SHANK1: variants seen among roughly 807,000 people sequenced by gnomAD.
The protein encoded by SHANK1 is SH3 and multiple ankyrin repeat domains 1.
SHANK1 carries 35 observed loss-of-function variants against 165.6 expected under a neutral mutation model. That is an observed-to-expected ratio of 0.21 (90% CI 0.16 to 0.28). The LOEUF is 0.28. SHANK1 is among the 10% of genes least tolerant of loss of function. The pLI is 1.00. For missense variants in SHANK1, 2,681 were observed against 3,036.4 expected, an observed-to-expected ratio of 0.88 and a Z score of 2.75; for synonymous variants, 1,428 against 1,384.8, an observed-to-expected ratio of 1.03 and a Z score of -0.69.
chr19:50,667,739 G>C lies in SHANK1; in HGVS notation c.4221C>G (p.Leu1407=). Residue 1407 remains leucine, a synonymous_variant, in exon 23 of 24, where the codon CTC becomes CTG. Coordinates refer to ENST00000293441, the MANE Select transcript of SHANK1 (RefSeq NM_016148.5). The surrounding 1 kb of genome is among the most constrained non-coding windows in gnomAD (Gnocchi z 5.7). ...PHAHHEPVLR[L]WGASPPDPAR... ...CAGGGTCCGGCGGGGAGGCCCCCCA[G>C]AGACGCAGCACTGGCTCGTGGTGGG... 5 of 1,328,576 alleles carry C rather than the reference G, an allele frequency of 3.8e-6. No individual in the cohort carries two copies. The highest frequency in any genetic ancestry group is 4.8e-6 in the Non-Finnish European group (5 of 1,045,386). The allele number at this position is 1,328,576 out of a possible 1,614,324, so 82.3% of individuals were successfully genotyped here. A position where few individuals can be genotyped will look rare whatever the true frequency, so the allele number is the denominator to read the frequency against.
At chr19:50,672,812 C>T (rs1985847153) in intron 21 of SHANK1, among the ~76,000 whole-genome samples, 1 of 152,122 alleles carries the variant, frequency 6.6e-6, no homozygotes, top group Non-Finnish European at 1.5e-5. Context: ...GTTTTCCACA[C>T]AAGAGTCAGA....
rs1377095267 is a variant in SHANK1 at position 50,719,633 on chromosome 19, TCCGCCGCGG to T, written c.-280_-272del. Among the ~76,000 whole-genome samples the T allele has an allele frequency of 6.9e-6, 1 of 144,862 alleles. No individual in the cohort carries two copies. Among genetic ancestry groups the T allele is most frequent in the Non-Finnish European group, 1.5e-5 (1 of 65,730 alleles). On this transcript the variant is annotated 5_prime_UTR_variant, in exon 1 of 24. Coordinates refer to ENST00000293441, the MANE Select transcript of SHANK1 (RefSeq NM_016148.5). Reference sequence around the variant, plus strand: ...TGGCCATCCGCAGAGCGCCCCCCCTTCCGCCGCGGCCGCCGCGCCCCTCCTCGCCCGCCC... The same window carrying T: ...TGGCCATCCGCAGAGCGCCCCCCCTTCCGCCGCGCCCCTCCTCGCCCGCCC...
rs1261060191 is a variant in SHANK1 at position 50,702,235 on chromosome 19, C to T, written c.1747+232G>A. ...AGAAGTTCCAGCCATGCCCTGCACA[C>T]GGCATCAGTGTCCCGCAGTGGGACA... On this transcript the variant is annotated intron_variant, in intron 12 of 23. Coordinates refer to ENST00000293441, the MANE Select transcript of SHANK1 (RefSeq NM_016148.5). The surrounding 1 kb of genome is among the most constrained non-coding windows in gnomAD (Gnocchi z 5.3). Among the ~76,000 whole-genome samples, 1 of 152,154 alleles carries T rather than the reference C, an allele frequency of 6.6e-6. No individual in the cohort carries two copies. Among genetic ancestry groups the T allele is most frequent in the Non-Finnish European group, 1.5e-5 (1 of 68,024 alleles).
chr19:50,680,301 G>A lies in SHANK1; in HGVS notation c.2577+5936C>T, dbSNP rs181839862. Among the ~76,000 whole-genome samples, 318 of 152,066 alleles carry A rather than the reference G, an allele frequency of 2.1e-3. 3 individuals are homozygous for A. Among genetic ancestry groups the A allele is most frequent in the African/African-American group, 7.2e-3 (299 of 41,452 alleles). On this transcript the variant is annotated intron_variant, in intron 21 of 23. Transcript: ENST00000293441. ...AGGAAGAGCCCAGAGAGGAAGGAGG[G>A]AGGGCAGCTCTGACTCAGAGAGGGC...
chr19:50,699,635 G>T (rs925360617), intron 12 of SHANK1, among the ~76,000 whole-genome samples: 2 of 152,156 alleles, frequency 1.3e-5, no homozygotes, highest in African/African-American at 2.4e-5. Flanking sequence ...GGAGGGGTTG[G>T]TATATCGGAG....
chr19:50,697,734 G>A lies in SHANK1; in HGVS notation c.1862-70C>T. 1 of 1,557,126 alleles carries A rather than the reference G, an allele frequency of 6.4e-7. No individual in the cohort carries two copies. The highest frequency in any genetic ancestry group is 8.9e-7 in the Non-Finnish European group (1 of 1,129,194). The stretch of plus-strand genomic sequence containing the variant: ...CACAATCCCAGCCCTAGAGCTCCTG[G>A]CCCAAGTCTTCCCATCTACCTCCCA... On this transcript the variant is annotated intron_variant, in intron 13 of 23. Transcript: ENST00000293441. The surrounding 1 kb of genome is among the most constrained non-coding windows in gnomAD (Gnocchi z 4.7).
rs200042833 is a variant in SHANK1, at chr19:50,714,168, G to A, written c.640+14C>T. 54 of 1,609,494 alleles carry A rather than the reference G, an allele frequency of 3.4e-5. 1 individual carries two copies. In the South Asian group the frequency reaches 3.5e-4, roughly 10 times the overall value. On this transcript the variant is annotated intron_variant, in intron 5 of 23. Coordinates refer to ENST00000293441, the MANE Select transcript of SHANK1 (RefSeq NM_016148.5). ...CCTGGCCCTGAGGTCCTCCTGATGCGCACCCCTCCCTACCTCCCGAATCCG... is the reference window on the plus strand; with the variant it reads ...CCTGGCCCTGAGGTCCTCCTGATGCACACCCCTCCCTACCTCCCGAATCCG...
intron 22 of SHANK1, among the ~76,000 whole-genome samples, chr19:50,669,793 C>T (rs1316760939): frequency 6.6e-6 from 1 of 151,576 alleles, no homozygotes; most frequent in Non-Finnish European, 1.5e-5. Flanking sequence ...ATCAGGTAAA[C>T]GATGCGAGCC....
Position 50,688,960 on chromosome 19 carries a change from G to A in SHANK1, c.2056C>T (p.Pro686Ser). The A allele has an allele frequency of 6.5e-7, 1 of 1,548,466 alleles. No homozygotes were observed. The highest frequency in any genetic ancestry group is 1.2e-5 in the South Asian group (1 of 84,368). Reference sequence around the variant, plus strand: ...GGGGTGGGGGTGAACTCCTCGATGGGGGTCTGCGCTGCAGACAGGGAGGAG... The same window carrying A: ...GGGGTGGGGGTGAACTCCTCGATGGAGGTCTGCGCTGCAGACAGGGAGGAG... ...FVLRGAKAQTPIEEFTPTPAF... is the reference protein window; with the variant it reads ...FVLRGAKAQTSIEEFTPTPAF... The change falls in exon 17 of 24, where the codon CCC becomes TCC. Residue 686 changes from proline (P) to serine (S), a missense_variant. By Grantham distance (74) the Pro-to-Ser change is moderately conservative. This residue lies in a region of SHANK1 where 147 missense variants were observed against 256.5 expected (regional missense o/e 0.57). Transcript: ENST00000293441. The surrounding 1 kb of genome is among the most constrained non-coding windows in gnomAD (Gnocchi z 6.7).
intron 8 of SHANK1, among the ~76,000 whole-genome samples, chr19:50,709,735 G>A (rs2037203301): frequency 6.6e-6 from 1 of 152,016 alleles, no homozygotes; most frequent in Admixed American, 6.6e-5. Context: ...TTTTTTCATA[G>A]AGACCAGGTT....
chr19:50,694,120 G>A lies in SHANK1; in HGVS notation c.1964+2976C>T, dbSNP rs182261099. Among the ~76,000 whole-genome samples, 181 of 151,608 alleles carry A rather than the reference G, an allele frequency of 1.2e-3. 3 individuals are homozygous for A. The highest frequency in any genetic ancestry group is 4.3e-3 in the Admixed American group (66 of 15,258). On this transcript the variant is annotated intron_variant, in intron 15 of 23. Coordinates refer to ENST00000293441, the MANE Select transcript of SHANK1 (RefSeq NM_016148.5). ...ATACAGAGACAGACGCTGTCACACAGGGACACACAGATGGACACAGTTGGG... is the reference window on the plus strand; with the variant it reads ...ATACAGAGACAGACGCTGTCACACAAGGACACACAGATGGACACAGTTGGG...
Position 50,702,703 on chromosome 19 carries a change from G to A in SHANK1, c.1554-43C>T. 2 of 1,370,422 alleles carry A rather than the reference G, an allele frequency of 1.5e-6. No homozygotes were observed. The highest frequency in any genetic ancestry group is 2.0e-6 in the Non-Finnish European group (2 of 1,006,918). The allele number at this position is 1,370,422 out of a possible 1,614,324, so 84.9% of individuals were successfully genotyped here. A position where few individuals can be genotyped will look rare whatever the true frequency, so the allele number is the denominator to read the frequency against. ...ATGAGAGGAGGGGAGGGTGGAGGGA[G>A]GGGACACCTCTGGGAGGACAGGGGT... On this transcript the variant is annotated intron_variant, in intron 11 of 23. Transcript: ENST00000293441. The surrounding 1 kb of genome is among the most constrained non-coding windows in gnomAD (Gnocchi z 5.3).
intron 15 of SHANK1, among the ~76,000 whole-genome samples, chr19:50,694,526 G>A (rs1322535783): frequency 7.1e-6 from 1 of 141,636 alleles, no homozygotes; most frequent in Non-Finnish European, 1.5e-5. Context: ...AGAAAGGCGA[G>A]TGGGCTCCAA....
At chr19:50,707,896 CTTTTCTTTTCTTTTCTT>C (rs2088961428) in intron 8 of SHANK1, among the ~76,000 whole-genome samples, 2 of 11,050 alleles carry the variant, frequency 1.8e-4, no homozygotes, top group Non-Finnish European at 3.6e-4. Context: ...CTTTTCTTTT[CTTTTCTTTTCTTTTCTT>C]TTCTTTTCTT....
At position 50,686,375 on chromosome 19, in the gene SHANK1, C is replaced by T; in HGVS notation, c.2459-20G>A. ...GTTTGTCTAGGGGTAGATGAATGAACAGAGGTGGGAAGACAATGAAATGAA... is the reference window on the plus strand; with the variant it reads ...GTTTGTCTAGGGGTAGATGAATGAATAGAGGTGGGAAGACAATGAAATGAA... On this transcript the variant is annotated intron_variant, in intron 20 of 23. Coordinates refer to ENST00000293441, the MANE Select transcript of SHANK1 (RefSeq NM_016148.5). The surrounding 1 kb of genome is among the most constrained non-coding windows in gnomAD (Gnocchi z 5.7). The T allele has an allele frequency of 6.6e-7, 1 of 1,504,006 alleles. No individual in the cohort carries two copies. The highest frequency in any genetic ancestry group is 1.4e-5 in the African/African-American group (1 of 71,842). 93.2% of individuals were successfully genotyped at this position (1,504,006 alleles called of 1,614,324 possible). A position where few individuals can be genotyped will look rare whatever the true frequency, so the allele number is the denominator to read the frequency against.
At chr19:50,719,031 A>T (rs1488806479) in intron 1 of SHANK1, among the ~76,000 whole-genome samples, 3 of 142,774 alleles carry the variant, frequency 2.1e-5, no homozygotes, top group Admixed American at 2.1e-4. Flanking sequence ...GACCAGGGTG[A>T]CCTGGCGGAG....
Position 50,667,776 on chromosome 19 carries a change from T to C in SHANK1, c.4184A>G (p.His1395Arg). The C allele has an allele frequency of 1.3e-6, 1 of 762,192 alleles. No individual in the cohort carries two copies. 47.2% of individuals were successfully genotyped at this position (762,192 alleles called of 1,614,324 possible). Reference protein sequence around the residue: ...YEAPPPTPHHHSPHAHHEPVL... With the variant: ...YEAPPPTPHHRSPHAHHEPVL... ...TGGCTCGTGGTGGGCGTGGGGCGAG[T>C]GGTGGTGCGGGGTGGGCGGCGGGGC... The change falls in exon 23 of 24, where the codon CAC becomes CGC. Residue 1395 changes from histidine to arginine, a missense_variant. Transcript: ENST00000293441. The surrounding 1 kb of genome is among the most constrained non-coding windows in gnomAD (Gnocchi z 5.7).
intron 15 of SHANK1, among the ~76,000 whole-genome samples, chr19:50,696,383 C>A (rs1226410074): frequency 6.6e-6 from 1 of 151,858 alleles, no homozygotes; most frequent in Non-Finnish European, 1.5e-5. Flanking sequence ...CCCAGCCCCA[C>A]CCTCTCTCCC....
At chr19:50,676,560 A>C (rs1273904530) in intron 21 of SHANK1, among the ~76,000 whole-genome samples, 1 of 151,970 alleles carries the variant, frequency 6.6e-6, no homozygotes, top group Non-Finnish European at 1.5e-5. Context: ...TAGGACCTGC[A>C]AGTTTCAGGT....
Sources: gnomAD v4.1 joint callset for allele counts (sites outside exome capture counted in the v4.1 genomes callset) on GRCh38, gnomAD v4.1.1 for gene constraint, gnomAD v4.1.1 regional missense constraint, Gnocchi (gnomAD v3.1) non-coding constraint, MANE v1.5 for transcripts, NCBI Gene and HGNC (gene_info 2026-07-23, HGNC 2026-07-21) for gene names.